The following ARHGAP31 variants were observed in gnomAD, a reference collection of about 807,000 sequenced individuals.
ARHGAP31 encodes the protein Rho GTPase activating protein 31.
Under a neutral mutation model 113.9 loss-of-function variants are expected in ARHGAP31, and 34 were observed. That is an observed-to-expected ratio of 0.30 (90% CI 0.23 to 0.40). The LOEUF (loss-of-function observed/expected upper bound fraction) is 0.40, where lower values mean the gene tolerates loss of function less well. Ranked by LOEUF, ARHGAP31 falls within the 10% of genes least tolerant of loss-of-function variation. ARHGAP31 has a pLI of 1.00. For synonymous variants in ARHGAP31, 650 were observed against 684.8 expected (o/e 0.95, Z 0.79); for missense variants, 1,548 against 1,767.1 (o/e 0.88, Z 2.22).
intron 1 of ARHGAP31, among the ~76,000 whole-genome samples, chr3:119,330,462 T>C (rs530286674): frequency 6.6e-6 from 1 of 152,330 alleles, no homozygotes; most frequent in South Asian, 2.1e-4. Flanking sequence ...ATAAGAACCA[T>C]GACTCCTGGC....
Position 119,420,232 on chromosome 3 carries a change from C to T in ARHGAP31, c.*3968C>T, listed in dbSNP as rs9874480. ...GATTTATTTGGGCCACATTCTACCA[C>T]GGCCAGTCCAATCTGATGACCACAT... On this transcript the variant is annotated 3_prime_UTR_variant, in exon 12 of 12. Coordinates refer to ENST00000264245, the MANE Select transcript of ARHGAP31 (RefSeq NM_020754.4). 0.83 allele frequency: 126,320 copies of T among 152,198 alleles called. 52,665 individuals are homozygous for T. Among genetic ancestry groups the T allele is most frequent in the African/African-American group, 0.9 (37,555 of 41,524 alleles). 9.4% of individuals were successfully genotyped at this position (152,198 alleles called of 1,614,324 possible).
chr3:119,368,959 G>T (rs1460065589), intron 3 of ARHGAP31, among the ~76,000 whole-genome samples: 1 of 152,096 alleles, frequency 6.6e-6, no homozygotes, highest in Non-Finnish European at 1.5e-5. Flanking sequence ...GGTAGAGAGG[G>T]GAGAGGGAAC....
At chr3:119,296,661 A>G (rs910384073) in intron 1 of ARHGAP31, among the ~76,000 whole-genome samples, 1 of 152,150 alleles carries the variant, frequency 6.6e-6, no homozygotes, top group Non-Finnish European at 1.5e-5. Context: ...CCAGAACCCC[A>G]GGGTTCTATG....
In ARHGAP31 at chr3:119,416,038, A is replaced by G. The variant is rs1368696598; in HGVS notation, c.4109A>G (p.Lys1370Arg). 2 of 1,614,144 alleles carry G rather than the reference A, an allele frequency of 1.2e-6. No individual in the cohort carries two copies. The highest frequency in any genetic ancestry group is 3.3e-5 in the Admixed American group (2 of 60,022). Residue 1370 changes from lysine (K) to arginine (R), a missense_variant, in exon 12 of 12, where the codon AAG becomes AGG. Transcript: ENST00000264245. ...LPPSSTVTDS[K>R]VLLSPIRSPT... The stretch of plus-strand genomic sequence containing the variant: ...CCTTCATCCACAGTGACAGATTCCA[A>G]GGTCCTGCTGTCCCCTATCAGAAGT...
At chr3:119,353,061 G>A (rs533573595) in intron 1 of ARHGAP31, among the ~76,000 whole-genome samples, 5 of 152,272 alleles carry the variant, frequency 3.3e-5, no homozygotes, top group East Asian at 1.9e-4. Flanking sequence ...ATTGCGTCAC[G>A]TCAATTACAT....
chr3:119,410,520 G>A (rs1180937667), intron 11 of ARHGAP31, among the ~76,000 whole-genome samples: 2 of 152,188 alleles, frequency 1.3e-5, no homozygotes, highest in African/African-American at 4.8e-5. Context: ...AGAGTGGAGT[G>A]CCATGGAGGC....
intron 1 of ARHGAP31, among the ~76,000 whole-genome samples, chr3:119,344,349 A>G (rs2107613935): frequency 6.6e-6 from 1 of 152,320 alleles, no homozygotes; most frequent in African/African-American, 2.4e-5. Flanking sequence ...ATCTCTGAAG[A>G]GTCCACCCAT....
At chr3:119,310,209 G>T (rs1185728791) in intron 1 of ARHGAP31, among the ~76,000 whole-genome samples, 1 of 152,168 alleles carries the variant, frequency 6.6e-6, no homozygotes, top group African/African-American at 2.4e-5. Flanking sequence ...CACACAGGGA[G>T]CCCAGGCTCA....
chr3:119,333,405 A>T (rs1363809805), intron 1 of ARHGAP31, among the ~76,000 whole-genome samples: 1 of 152,232 alleles, frequency 6.6e-6, no homozygotes, highest in Non-Finnish European at 1.5e-5. Context: ...TTTCTTTAGT[A>T]TCTGAAGTTG....
rs78803129 is a variant in ARHGAP31, at chr3:119,299,597, A to G, written c.100+4593A>G. Among the ~76,000 whole-genome samples the G allele has an allele frequency of 1.5e-4, 23 of 152,342 alleles. No individual in the cohort carries two copies. In the East Asian group the frequency reaches 4.4e-3, roughly 29 times the overall value. On this transcript the variant is annotated intron_variant, in intron 1 of 11. Transcript: ENST00000264245. The stretch of plus-strand genomic sequence containing the variant: ...GACTCTTCTACATTTCTGAGGCTAA[A>G]TGATTCTCTTTCTTTATCTATTTAA...
rs543552697 is a variant in ARHGAP31 at position 119,365,427 on chromosome 3, A to C, written c.203+9A>C. The C allele has an allele frequency of 4.4e-5, 70 of 1,607,744 alleles. No homozygotes were observed. Among genetic ancestry groups the C allele is most frequent in the Middle Eastern group, 3.3e-4 (2 of 6,048 alleles). On this transcript the variant is annotated intron_variant, in intron 2 of 11. Transcript: ENST00000264245. ...AACATACAACGGCTAAGGTAAGCTA[A>C]AAGAATAGCCCTAAAAGAATTCTCC... is the stretch of plus-strand genomic sequence containing the variant.
intron 6 of ARHGAP31, among the ~76,000 whole-genome samples, chr3:119,390,108 A>G (rs147268753): frequency 8.4e-4 from 128 of 152,330 alleles, no homozygotes; most frequent in African/African-American, 2.9e-3. Flanking sequence ...GAAAAGAGAT[A>G]ATCCTGTGCA....
At chr3:119,321,157 A>G (rs2079780416) in intron 1 of ARHGAP31, among the ~76,000 whole-genome samples, 2 of 151,630 alleles carry the variant, frequency 1.3e-5, no homozygotes. Context: ...ACTTCCATAT[A>G]CCCTTTTTAA....
intron 4 of ARHGAP31, among the ~76,000 whole-genome samples, chr3:119,381,715 T>G (rs1015733125): frequency 5.3e-5 from 8 of 152,078 alleles, no homozygotes; most frequent in Non-Finnish European, 1.2e-4. Context: ...GCGGCCTGTG[T>G]GGTGGCTCAT....
intron 1 of ARHGAP31, among the ~76,000 whole-genome samples, chr3:119,309,814 C>T (rs72491139): frequency 0.047 from 7,098 of 152,122 alleles, 359 homozygotes; most frequent in African/African-American, 0.12. Context: ...TTGTCTTCTG[C>T]GAAACCAGTC....
At chr3:119,304,767 C>G (rs568622842) in intron 1 of ARHGAP31, among the ~76,000 whole-genome samples, 1 of 151,858 alleles carries the variant, frequency 6.6e-6, no homozygotes, top group African/African-American at 2.4e-5. Flanking sequence ...TGGTGGTGGG[C>G]GCCTGTAATC....
In ARHGAP31 at chr3:119,415,678, A is replaced by T; in HGVS notation, c.3749A>T (p.Asp1250Val). The T allele has an allele frequency of 6.2e-7, 1 of 1,614,036 alleles. No homozygotes were observed. The highest frequency in any genetic ancestry group is 1.3e-5 in the African/African-American group (1 of 75,018). ...SGTTQKPAKD[D>V]SPSSLESSKE... is the part of the protein sequence containing the mutation. ...ACCACTCAGAAACCTGCCAAAGATG[A>T]TTCTCCCTCCTCCCTGGAAAGCTCA... Residue 1250 changes from aspartate (D) to valine (V), a missense_variant, in exon 12 of 12, where the codon GAT (aspartate) becomes GTT (valine). Transcript: ENST00000264245.
At chr3:119,381,893 A>G (rs897122194) in intron 4 of ARHGAP31, among the ~76,000 whole-genome samples, 49 of 151,506 alleles carry the variant, frequency 3.2e-4, no homozygotes, top group South Asian at 6.3e-4. Flanking sequence ...GGATGAGGCC[A>G]GAGAATGGCG....
rs762067141 is a variant in ARHGAP31, at chr3:119,354,678, ATT to A, written c.101-10619_101-10618del. Among the ~76,000 whole-genome samples the A allele has an allele frequency of 5.9e-3, 746 of 127,224 alleles. 4 individuals are homozygous for A. Among genetic ancestry groups the A allele is most frequent in the African/African-American group, 0.02 (674 of 33,374 alleles). The allele number at this position is 127,224 out of a possible 152,430, so 83.5% of individuals were successfully genotyped here. A position where few individuals can be genotyped will look rare whatever the true frequency, so the allele number is the denominator to read the frequency against. On this transcript the variant is annotated intron_variant, in intron 1 of 11. Coordinates refer to ENST00000264245, the MANE Select transcript of ARHGAP31 (RefSeq NM_020754.4). ...AGGCACCCGCCACCATGCCGGGCTA[ATT>A]TTTTTTTTTTTTTTTTTTGTATTTT...
Sources: gnomAD v4.1 joint callset for allele counts (sites outside exome capture counted in the v4.1 genomes callset) on GRCh38, gnomAD v4.1.1 for gene constraint, MANE v1.5 for transcripts, NCBI Gene and HGNC (gene_info 2026-07-23, HGNC 2026-07-21) for gene names.